Variants in PODXL2 observed in about 807,000 individuals in gnomAD.
PODXL2 encodes the protein podocalyxin like 2, also known as podocalyxin-like protein 2.
Under a neutral mutation model 53.4 loss-of-function variants are expected in PODXL2, and 17 were observed. The ratio of observed to expected loss-of-function variants is 0.32; its 90% CI spans 0.22 to 0.48. The LOEUF (loss-of-function observed/expected upper bound fraction) is 0.48, where lower values mean the gene tolerates loss of function less well. Ranked by LOEUF, PODXL2 falls within the 20% of genes least tolerant of loss-of-function variation. The pLI is 0.99. For synonymous variants in PODXL2, 311 were observed against 306.7 expected (o/e 1.01, Z -0.15); for missense variants, 673 against 760.0 (o/e 0.89, Z 1.35).
At chr3:127,642,711 C>A (rs1425526863) in intron 2 of PODXL2, among the ~76,000 whole-genome samples, 1 of 152,144 alleles carries the variant, frequency 6.6e-6, no homozygotes, top group African/African-American at 2.4e-5. Flanking sequence ...TGTGTACGTT[C>A]ATTATATACA....
At chr3:127,643,768 A>G (rs1014561328) in intron 2 of PODXL2, among the ~76,000 whole-genome samples, 1 of 151,900 alleles carries the variant, frequency 6.6e-6, no homozygotes, top group African/African-American at 2.4e-5. Flanking sequence ...CCTCCCAGGT[A>G]GCTGGGACTA....
intron 3 of PODXL2, 143 bp downstream of exon 3, chr3:127,661,302 TGTG>T (rs1486482172): frequency 3.1e-6 from 2 of 640,192 alleles, no homozygotes; most frequent in Non-Finnish European, 5.4e-6. Flanking sequence ...CCATGGAACT[TGTG>T]GGGATGCAAA....
At chr3:127,634,626 T>A (rs1405269511) in intron 1 of PODXL2, among the ~76,000 whole-genome samples, 4 of 151,558 alleles carry the variant, frequency 2.6e-5, no homozygotes, top group African/African-American at 7.3e-5. Context: ...CTCGGGAGGC[T>A]GAGGCAGGAG....
At chr3:127,657,903 C>T (rs769945748) in intron 2 of PODXL2, among the ~76,000 whole-genome samples, 2 of 152,170 alleles carry the variant, frequency 1.3e-5, no homozygotes, top group Non-Finnish European at 2.9e-5. Context: ...GTGATTTCCT[C>T]CTGAATCTTT....
At position 127,672,469 on chromosome 3, in the gene PODXL2, A is replaced by G; in HGVS notation, c.1807A>G (p.Thr603Ala). 1 of 1,518,796 alleles carries G rather than the reference A, an allele frequency of 6.6e-7. No homozygotes were observed. Among genetic ancestry groups the G allele is most frequent in the South Asian group, 1.2e-5 (1 of 81,838 alleles). The allele number at this position is 1,518,796 out of a possible 1,614,324, so 94.1% of individuals were successfully genotyped here. ...GGACTCGGACGTGTTCGAGGAGGAC[A>G]CGCACCTGTGAGCGCAGCCGAGGCG... The part of the protein sequence containing the change: ...PEDSDVFEED[T>A]HL The change falls in exon 8 of 8, where the codon ACG becomes GCG. Residue 603 changes from threonine (T) to alanine (A), a missense_variant. Physicochemically the swap from Thr to Ala is moderately conservative, Grantham distance 58. Transcript: ENST00000342480.
intron 2 of PODXL2, among the ~76,000 whole-genome samples, chr3:127,641,833 C>T (rs926088059): frequency 1.3e-5 from 2 of 151,722 alleles, no homozygotes; most frequent in East Asian, 3.9e-4. Context: ...TTAACAACTA[C>T]GTTATATTTC....
At chr3:127,660,238 TC>T (rs2074756167) in intron 2 of PODXL2, 139 bp from the exon 3 acceptor site, 5 of 950,796 alleles carry the variant, frequency 5.3e-6, no homozygotes, top group Non-Finnish European at 7.8e-6. Context: ...CACAGTCTGC[TC>T]CCCTGGCCTC....
rs1273210036 is a variant in PODXL2, at chr3:127,639,330, G to T, written c.156G>T (p.Leu52=). 3.7e-6 allele frequency: 6 copies of T among 1,614,148 alleles called. No homozygotes were observed. The highest frequency in any genetic ancestry group is 5.1e-6 in the Non-Finnish European group (6 of 1,180,038). ...LTSTSLLDLL[L]PTGLEPLDSE... ...CCACCTCCCTGCTAGACCTCCTGCTGCCCACTGGCTTGGAGCCACTGGACT... is the reference window on the plus strand; with the variant it reads ...CCACCTCCCTGCTAGACCTCCTGCTTCCCACTGGCTTGGAGCCACTGGACT... Residue 52 remains leucine (L), a synonymous_variant, in exon 2 of 8, where the codon CTG becomes CTT. Transcript: ENST00000342480.
At chr3:127,641,232 T>C (rs1032127207) in intron 2 of PODXL2, among the ~76,000 whole-genome samples, 1 of 152,084 alleles carries the variant, frequency 6.6e-6, no homozygotes, top group Non-Finnish European at 1.5e-5. Context: ...TATTTATTTA[T>C]TTATGTTTAG....
At chr3:127,647,050 A>G (rs1186547396) in intron 2 of PODXL2, among the ~76,000 whole-genome samples, 1 of 152,192 alleles carries the variant, frequency 6.6e-6, no homozygotes, top group East Asian at 1.9e-4. Context: ...TGGGAAAAAC[A>G]GCTGGTGGAG....
intron 1 of PODXL2, among the ~76,000 whole-genome samples, chr3:127,631,516 T>C (rs2074545829): frequency 6.6e-6 from 1 of 152,242 alleles, no homozygotes; most frequent in Non-Finnish European, 1.5e-5. Flanking sequence ...CCTTTTCATG[T>C]GCCATCTTTT....
chr3:127,671,540 T>G lies in PODXL2; in HGVS notation c.1532T>G (p.Ile511Ser), dbSNP rs373686272. The change falls in exon 7 of 8, where the codon ATC (isoleucine) becomes AGC (serine). Residue 511 changes from isoleucine to serine, a missense_variant. Coordinates refer to ENST00000342480, the MANE Select transcript of PODXL2 (RefSeq NM_015720.4). The stretch of plus-strand genomic sequence containing the variant: ...GTGGTGCTGGTGGTCATTGGGGCCA[T>G]CTGCATCATCATCATTGCGCTTGGC... ...LFVVLVVIGA[I>S]CIIIIALGLL... The G allele has an allele frequency of 1.2e-6, 2 of 1,614,030 alleles. No individual in the cohort carries two copies. The highest frequency in any genetic ancestry group is 1.7e-6 in the Non-Finnish European group (2 of 1,180,018).
chr3:127,633,500 GT>G (rs34217427), intron 1 of PODXL2, among the ~76,000 whole-genome samples: 6 of 151,302 alleles, frequency 4.0e-5, no homozygotes, highest in African/African-American at 9.8e-5. Context: ...GTGTGTGTGT[GT>G]GGGAGAAACC....
rs769259811 is a variant in PODXL2, at chr3:127,660,917, T to C, written c.889T>C (p.Ser297Pro). Reference protein sequence around the residue: ...EEATAGAAGLSGQHEEVPALP... With the variant: ...EEATAGAAGLPGQHEEVPALP... ...AGCCACTGCAGGAGCAGCTGGTTTG[T>C]CTGGCCAGCACGAGGAGGTGCCGGC... is the stretch of plus-strand genomic sequence containing the variant. The change falls in exon 3 of 8, where the codon TCT (serine) becomes CCT (proline). Residue 297 changes from serine to proline, a missense_variant. Around this residue, in one of 3 missense-constraint regions of PODXL2, gnomAD observed 588 missense variants for 668.3 expected, o/e 0.88. Coordinates refer to ENST00000342480, the MANE Select transcript of PODXL2 (RefSeq NM_015720.4). 11 of 1,614,242 alleles carry C rather than the reference T, an allele frequency of 6.8e-6. No individual in the cohort carries two copies. The highest frequency in any genetic ancestry group is 8.5e-6 in the Non-Finnish European group (10 of 1,180,044).
At chr3:127,647,319 A>G (rs113960099) in intron 2 of PODXL2, among the ~76,000 whole-genome samples, 239 of 152,252 alleles carry the variant, frequency 1.6e-3, no homozygotes, top group African/African-American at 5.3e-3. Context: ...TTCATGCACA[A>G]TTGTTAATGA....
intron 1 of PODXL2, among the ~76,000 whole-genome samples, chr3:127,638,851 T>G (rs1016385705): frequency 1.3e-5 from 2 of 152,242 alleles, no homozygotes; most frequent in African/African-American, 4.8e-5. Context: ...GTTCGTCCAA[T>G]CATACTGCTA....
At chr3:127,640,758 G>A (rs2074613064) in intron 2 of PODXL2, among the ~76,000 whole-genome samples, 1 of 152,058 alleles carries the variant, frequency 6.6e-6, no homozygotes, top group Non-Finnish European at 1.5e-5. Flanking sequence ...ATAATTGAAA[G>A]ATAATTACTA....
At chr3:127,635,243 T>C (rs1044463163) in intron 1 of PODXL2, among the ~76,000 whole-genome samples, 2 of 152,236 alleles carry the variant, frequency 1.3e-5, no homozygotes, top group Admixed American at 6.5e-5. Context: ...GAGATCTCTC[T>C]CCCTGCCCTA....
At chr3:127,630,020 T>G (rs1475932328) in intron 1 of PODXL2, among the ~76,000 whole-genome samples, 2 of 151,782 alleles carry the variant, frequency 1.3e-5, no homozygotes, top group African/African-American at 4.8e-5. Flanking sequence ...CGTGGCGGGC[T>G]GGGGGTGTGG....
Sources: allele counts gnomAD v4.1 joint callset (sites outside exome capture counted in the v4.1 genomes callset), GRCh38; gene constraint gnomAD v4.1.1; regional missense constraint gnomAD v4.1.1; transcripts MANE v1.5; gene names NCBI Gene and HGNC (gene_info 2026-07-23, HGNC 2026-07-21).